SRPK2: variants seen among roughly 807,000 people sequenced by gnomAD.
The protein encoded by SRPK2 is SRSF protein kinase 2.
A neutral mutation model predicts 90.8 loss-of-function variants in SRPK2; 21 were observed. The observed-to-expected ratio is 0.23, with a 90% confidence interval of 0.16 to 0.33. The LOEUF is 0.33. SRPK2 is among the 10% of genes least tolerant of loss of function. The pLI, the probability that SRPK2 is intolerant of heterozygous loss-of-function variation, is 1.00. For missense variants in SRPK2, 620 were observed against 869.0 expected, an observed-to-expected ratio of 0.71 and a Z score of 3.60; for synonymous variants, 288 against 311.1, an observed-to-expected ratio of 0.93 and a Z score of 0.78.
chr7:105,200,646 T>A (rs866444287), intron 3 of SRPK2, among the ~76,000 whole-genome samples: 2 of 152,172 alleles, frequency 1.3e-5, no homozygotes, highest in African/African-American at 2.4e-5. Flanking sequence ...AGTGAAGGCA[T>A]CAACTCCAAT....
At chr7:105,358,161 T>C (rs1460420379) in intron 2 of SRPK2, among the ~76,000 whole-genome samples, 1 of 146,828 alleles carries the variant, frequency 6.8e-6, no homozygotes, top group Non-Finnish European at 1.5e-5. Context: ...GAGGCGAAGG[T>C]TGCAGTGAGA....
chr7:105,126,869 T>G (rs1282685226), intron 14 of SRPK2, 124 bp downstream of exon 14: 3 of 925,546 alleles, frequency 3.2e-6, no homozygotes, highest in Middle Eastern at 2.2e-4. Flanking sequence ...AGGAAAAGCA[T>G]CTGAATTTGG....
Position 105,159,448 on chromosome 7 carries a change from C to CAAAAAAAAAAAAAAAAAAAA in SRPK2, c.621+1039_621+1058dup, listed in dbSNP as rs765544583. The stretch of plus-strand genomic sequence containing the variant: ...GGGTGACAGAGCGAGACTCCGTCTC[C>CAAAAAAAAAAAAAAAAAAAA]AAAAAAAAAAAAAAAAAAAAAAAAA... On this transcript the variant is annotated intron_variant, in intron 7 of 15. Transcript: ENST00000393651. 1.7e-3 allele frequency among the ~76,000 whole-genome samples: 57 copies of CAAAAAAAAAAAAAAAAAAAA among 33,140 alleles called. 8 individuals are homozygous for CAAAAAAAAAAAAAAAAAAAA. The highest frequency in any genetic ancestry group is 2.5e-3 in the Non-Finnish European group (39 of 15,908). 21.7% of individuals were successfully genotyped at this position (33,140 alleles called of 152,430 possible). A position where few individuals can be genotyped will look rare whatever the true frequency, so the allele number is the denominator to read the frequency against.
Position 105,124,380 on chromosome 7 carries a change from A to AATT in SRPK2, c.1915+1867_1915+1868insAAT, listed in dbSNP as rs570373387. Among the ~76,000 whole-genome samples, 1,106 of 152,154 alleles carry AATT rather than the reference A, an allele frequency of 7.3e-3. 7 individuals carry two copies. The highest frequency in any genetic ancestry group is 0.024 in the Middle Eastern group (7 of 294). ...TGCACAGCCAGGCGCAGTGGCTCACACCTGTAATCCCAGCAATTGGGAGGC... is the reference window on the plus strand; with the variant it reads ...TGCACAGCCAGGCGCAGTGGCTCACAATTCCTGTAATCCCAGCAATTGGGAGGC... On this transcript the variant is annotated intron_variant, in intron 15 of 15. Coordinates refer to ENST00000393651, the MANE Select transcript of SRPK2 (RefSeq NM_182692.3).
At chr7:105,396,560 G>T (rs189180569) in intron 1 of SRPK2, among the ~76,000 whole-genome samples, 3 of 151,992 alleles carry the variant, frequency 2.0e-5, no homozygotes, top group Non-Finnish European at 2.9e-5. Flanking sequence ...GAACCTGGGA[G>T]GCAGAGCTTG....
chr7:105,170,847 GAAAGAAAGAAAGAAAGAAAGA>G (rs1790808985), intron 3 of SRPK2, among the ~76,000 whole-genome samples: 1 of 14,036 alleles, frequency 7.1e-5, no homozygotes, highest in Non-Finnish European at 1.7e-4. Context: ...AAGAAAGAAA[GAAAGAAAGAAAGAAAGAAAGA>G]AAGAAAGAAA....
At chr7:105,190,342 A>C (rs1365840858) in intron 3 of SRPK2, among the ~76,000 whole-genome samples, 1 of 152,176 alleles carries the variant, frequency 6.6e-6, no homozygotes, top group African/African-American at 2.4e-5. Context: ...CTGCCATCTC[A>C]GTCCACTCTA....
At chr7:105,299,213 A>G (rs1311473405) in intron 2 of SRPK2, among the ~76,000 whole-genome samples, 3 of 152,180 alleles carry the variant, frequency 2.0e-5, no homozygotes, top group African/African-American at 7.2e-5. Flanking sequence ...CAATCTGAAG[A>G]CTGGGAAGTT....
chr7:105,197,759 G>A (rs1017362259), intron 3 of SRPK2, among the ~76,000 whole-genome samples: 4 of 152,112 alleles, frequency 2.6e-5, no homozygotes, highest in African/African-American at 9.7e-5. Context: ...TCTGATTAGA[G>A]GTCGAATAAA....
intron 3 of SRPK2, among the ~76,000 whole-genome samples, chr7:105,191,834 A>C (rs1176499144): frequency 6.6e-6 from 1 of 151,540 alleles, no homozygotes; most frequent in Non-Finnish European, 1.5e-5. Flanking sequence ...CCCTCTTTAA[A>C]ACCTACACTG....
In SRPK2 at chr7:105,388,887, GC is replaced by G; in HGVS notation, c.-82del. On this transcript the variant is annotated 5_prime_UTR_variant, in exon 1 of 16. Transcript: ENST00000393651. ...ACGAGCTGGGCTGCAGCCTCCACTC[GC>G]TCCGCCGGCCGGGAGGAGACGAGAA... 8.0e-7 allele frequency: 1 copy of G among 1,242,918 alleles called. No homozygotes were observed. The highest frequency in any genetic ancestry group is 1.0e-6 in the Non-Finnish European group (1 of 996,746). The allele number at this position is 1,242,918 out of a possible 1,614,324, so 77.0% of individuals were successfully genotyped here.
At chr7:105,161,683 A>G (rs576509988) in intron 6 of SRPK2, among the ~76,000 whole-genome samples, 1 of 152,262 alleles carries the variant, frequency 6.6e-6, no homozygotes, top group African/African-American at 2.4e-5. Flanking sequence ...CAGTATCTCA[A>G]GTGTCCTAAC....
chr7:105,163,392 C>A (rs114446111), intron 6 of SRPK2, among the ~76,000 whole-genome samples: 2,998 of 152,226 alleles, frequency 0.02, 111 homozygotes, highest in African/African-American at 0.069. Context: ...GGGGACAATA[C>A]CGCAAATAAA....
intron 2 of SRPK2, among the ~76,000 whole-genome samples, chr7:105,326,885 A>G (rs1458051869): frequency 2.0e-5 from 3 of 152,060 alleles, no homozygotes; most frequent in African/African-American, 7.2e-5. Flanking sequence ...AACATGGTGA[A>G]ACCCGGTCTC....
At chr7:105,301,733 C>A in intron 2 of SRPK2, 3 of 1,605,894 alleles carry the variant, frequency 1.9e-6, no homozygotes, top group Non-Finnish European at 2.6e-6. Context: ...TTAACAACAC[C>A]GTATCATCAG....
chr7:105,343,876 C>T (rs1052006789), intron 2 of SRPK2, among the ~76,000 whole-genome samples: 6 of 152,106 alleles, frequency 3.9e-5, no homozygotes, highest in Non-Finnish European at 7.3e-5. Flanking sequence ...GATTCTCCTG[C>T]CTCAGCCTCC....
chr7:105,227,419 G>C (rs1308771175), intron 2 of SRPK2, among the ~76,000 whole-genome samples: 1 of 151,970 alleles, frequency 6.6e-6, no homozygotes, highest in African/African-American at 2.4e-5. Flanking sequence ...AAAAGCAAAG[G>C]ATCTGAATAG....
At chr7:105,188,661 A>AT in intron 3 of SRPK2, among the ~76,000 whole-genome samples, 1 of 152,202 alleles carries the variant, frequency 6.6e-6, no homozygotes, top group South Asian at 2.1e-4. Flanking sequence ...AGAGGAAAAA[A>AT]TTTTAACAAT....
intron 2 of SRPK2, among the ~76,000 whole-genome samples, chr7:105,235,823 T>C (rs1373901922): frequency 6.6e-6 from 1 of 152,206 alleles, no homozygotes; most frequent in Admixed American, 6.5e-5. Flanking sequence ...AAAGAATTAT[T>C]AGCTATTCAA....
Sources: gnomAD v4.1 joint callset for allele counts (sites outside exome capture counted in the v4.1 genomes callset) on GRCh38, gnomAD v4.1.1 for gene constraint, MANE v1.5 for transcripts, NCBI Gene and HGNC (gene_info 2026-07-23, HGNC 2026-07-21) for gene names.